BBS9: variants seen among roughly 807,000 people sequenced by gnomAD.
BBS9 encodes protein PTHB1.
BBS9 carries 89 observed loss-of-function variants against 117.7 expected under a neutral mutation model. The ratio of observed to expected loss-of-function variants is 0.76; its 90% CI spans 0.64 to 0.90. BBS9 has a LOEUF of 0.90. Among genes scored for constraint, BBS9 ranks in the 40% least tolerant of loss-of-function variants. The pLI is 0.00. For synonymous variants in BBS9, 379 were observed against 370.9 expected, an observed-to-expected ratio of 1.02 and a Z score of -0.25; for missense variants, 982 against 1,042.2, an observed-to-expected ratio of 0.94 and a Z score of 0.80.
At chr7:33,536,676 G>A (rs898563771) in intron 21 of BBS9, among the ~76,000 whole-genome samples, 3 of 30,866 alleles carry the variant, frequency 9.7e-5, no homozygotes, top group Non-Finnish European at 1.5e-4. Flanking sequence ...TCTGTGATTC[G>A]GCCTTCCCCC....
chr7:33,339,241 C>CA (rs1816024529), intron 10 of BBS9, among the ~76,000 whole-genome samples: 1 of 152,142 alleles, frequency 6.6e-6, no homozygotes, highest in African/African-American at 2.4e-5. Context: ...CCTGCCCTCG[C>CA]ATCTGCTGCT....
At chr7:33,367,979 C>A in intron 17 of BBS9, 117 bp downstream of exon 17, 1 of 839,914 alleles carries the variant, frequency 1.2e-6, no homozygotes, top group Middle Eastern at 3.3e-4. Flanking sequence ...ATTTCAGTAA[C>A]TAAAAGCCAT....
intron 9 of BBS9, among the ~76,000 whole-genome samples, chr7:33,282,543 T>C (rs1357489413): frequency 2.0e-5 from 3 of 152,068 alleles, no homozygotes; most frequent in Non-Finnish European, 4.4e-5. Flanking sequence ...GGCTAATTTT[T>C]TTGTATTTTT....
intron 5 of BBS9, among the ~76,000 whole-genome samples, chr7:33,223,668 A>G (rs1214643716): frequency 1.7e-4 from 25 of 148,786 alleles, no homozygotes; most frequent in Non-Finnish European, 3.6e-4. Context: ...GCTCTCTTAC[A>G]CTTTTAAAAT....
chr7:33,177,802 C>G, intron 5 of BBS9: 1 of 558,306 alleles, frequency 1.8e-6, no homozygotes, highest in Non-Finnish European at 3.2e-6. Context: ...TAATCAGGGT[C>G]AGGCCTGGTT....
intron 5 of BBS9, among the ~76,000 whole-genome samples, chr7:33,226,328 T>A (rs1486857164): frequency 2.0e-5 from 3 of 152,162 alleles, no homozygotes; most frequent in African/African-American, 7.2e-5. Flanking sequence ...TTTAAACAAA[T>A]ACACAGGTCT....
chr7:33,597,929 C>T (rs1039618886), intron 21 of BBS9, among the ~76,000 whole-genome samples: 1 of 151,054 alleles, frequency 6.6e-6, no homozygotes, highest in South Asian at 2.1e-4. Flanking sequence ...ATAAAATGCA[C>T]GGTGTGCTGA....
At chr7:33,355,164 A>G (rs879574580) in intron 15 of BBS9, among the ~76,000 whole-genome samples, 2 of 151,996 alleles carry the variant, frequency 1.3e-5, no homozygotes, top group African/African-American at 2.4e-5. Context: ...CTTTAAATAC[A>G]TGTAATTCTT....
chr7:33,561,899 T>C (rs985091795), intron 21 of BBS9, among the ~76,000 whole-genome samples: 6 of 152,234 alleles, frequency 3.9e-5, no homozygotes, highest in Non-Finnish European at 7.3e-5. Flanking sequence ...ATGTACTTTA[T>C]GTTATTGATT....
chr7:33,368,614 A>C (rs904761826), intron 17 of BBS9, among the ~76,000 whole-genome samples: 5 of 145,558 alleles, frequency 3.4e-5, no homozygotes, highest in Non-Finnish European at 4.5e-5. Context: ...ACACACACAC[A>C]CACCCATACC....
intron 21 of BBS9, among the ~76,000 whole-genome samples, chr7:33,596,395 A>C (rs374714545): frequency 7.3e-5 from 6 of 82,548 alleles, no homozygotes; most frequent in East Asian, 4.9e-4. Context: ...ATCTATCTAT[A>C]TATAATTAGT....
At chr7:33,325,350 G>T (rs1812616330) in intron 9 of BBS9, among the ~76,000 whole-genome samples, 1 of 151,984 alleles carries the variant, frequency 6.6e-6, no homozygotes, top group Admixed American at 6.6e-5. Flanking sequence ...CAATGTCTTT[G>T]TTAAATTTAT....
intron 21 of BBS9, among the ~76,000 whole-genome samples, chr7:33,596,480 C>T (rs1862832371): frequency 6.6e-6 from 1 of 151,942 alleles, no homozygotes; most frequent in African/African-American, 2.4e-5. Context: ...TGAGGGCAGA[C>T]TAAGCCCTTT....
intron 21 of BBS9, among the ~76,000 whole-genome samples, chr7:33,618,578 G>C (rs1865256509): frequency 6.6e-6 from 1 of 152,022 alleles, no homozygotes; most frequent in Admixed American, 6.6e-5. Context: ...ATTATGGCTG[G>C]GTACAGTGGC....
intron 20 of BBS9, among the ~76,000 whole-genome samples, chr7:33,528,548 A>T (rs955157474): frequency 6.6e-6 from 1 of 152,196 alleles, no homozygotes; most frequent in African/African-American, 2.4e-5. Context: ...TTAGATTTCA[A>T]TTACATACTT....
chr7:33,264,205 A>G (rs1798417954), intron 6 of BBS9, 85 bp from the exon 7 acceptor site: 2 of 678,552 alleles, frequency 2.9e-6, no homozygotes, highest in South Asian at 6.8e-5. Flanking sequence ...AAGTTTATAG[A>G]TTATTGTGTA....
intron 19 of BBS9, among the ~76,000 whole-genome samples, chr7:33,456,852 TAGA>T (rs1838723648): frequency 2.0e-5 from 3 of 152,218 alleles, no homozygotes; most frequent in African/African-American, 4.8e-5. Flanking sequence ...CAGTCATAAA[TAGA>T]AGGATTATTG....
intron 2 of BBS9, among the ~76,000 whole-genome samples, chr7:33,151,984 A>T (rs1329419136): frequency 6.6e-6 from 1 of 151,420 alleles, no homozygotes; most frequent in Non-Finnish European, 1.5e-5. Context: ...CAGCCTCCCA[A>T]GTAGCTGGGA....
chr7:33,276,455 A>C (rs1323232977), intron 9 of BBS9, among the ~76,000 whole-genome samples: 2 of 152,208 alleles, frequency 1.3e-5, no homozygotes, highest in Non-Finnish European at 2.9e-5. Flanking sequence ...GCCGTGGACC[A>C]TGGGGAGAGC....
Sources: allele counts gnomAD v4.1 joint callset (sites outside exome capture counted in the v4.1 genomes callset), GRCh38; gene constraint gnomAD v4.1.1; transcripts MANE v1.5; gene names NCBI Gene and HGNC (gene_info 2026-07-23, HGNC 2026-07-21).